Variants in BABAM2 observed in about 807,000 individuals in gnomAD.
The protein encoded by BABAM2 is BRISC and BRCA1-A complex member 2.
Under a neutral mutation model 54.7 loss-of-function variants are expected in BABAM2, and 31 were observed. The ratio of observed to expected loss-of-function variants is 0.57; its 90% CI spans 0.43 to 0.77. The LOEUF (loss-of-function observed/expected upper bound fraction) is 0.77. BABAM2 is among the 30% of genes least tolerant of loss of function. The probability of loss-of-function intolerance (pLI) is 0.00; values close to 1 mark genes in which losing one functional copy is unlikely to be tolerated. For missense variants in BABAM2, 364 were observed against 455.8 expected, an observed-to-expected ratio of 0.80 and a Z score of 1.83; for synonymous variants, 167 against 162.9, an observed-to-expected ratio of 1.03 and a Z score of -0.19.
intron 6 of BABAM2, among the ~76,000 whole-genome samples, chr2:28,109,827 AT>A (rs1667847904): frequency 6.6e-6 from 1 of 152,200 alleles, no homozygotes; most frequent in Non-Finnish European, 1.5e-5. Flanking sequence ...TTTTTGGAAT[AT>A]GCCATAGGTG....
At chr2:27,956,362 C>T (rs1192976030) in intron 3 of BABAM2, among the ~76,000 whole-genome samples, 6 of 151,994 alleles carry the variant, frequency 3.9e-5, no homozygotes, top group Middle Eastern at 3.2e-3. Flanking sequence ...CCTGATAGTG[C>T]GCTAAGGATG....
chr2:28,302,944 T>C (rs533418186), intron 11 of BABAM2, among the ~76,000 whole-genome samples: 1 of 152,328 alleles, frequency 6.6e-6, no homozygotes, highest in South Asian at 2.1e-4. Flanking sequence ...GTTGTATATA[T>C]GAGTTTCTTT....
At chr2:28,284,880 A>T (rs1170382810) in intron 10 of BABAM2, among the ~76,000 whole-genome samples, 1 of 152,214 alleles carries the variant, frequency 6.6e-6, no homozygotes, top group Non-Finnish European at 1.5e-5. Flanking sequence ...GGTATCATTT[A>T]TGAAGACCTG....
intron 5 of BABAM2, among the ~76,000 whole-genome samples, chr2:28,031,707 A>C (rs72812573): frequency 0.029 from 4,372 of 152,288 alleles, 102 homozygotes; most frequent in South Asian, 0.1. Flanking sequence ...CTGTGTGAGC[A>C]TTCAGCAGAA....
At position 28,304,413 on chromosome 2, in the gene BABAM2, T is replaced by A. The variant is rs1010874029; in HGVS notation, c.1088+5922T>A. ...TATAAATATAAAATATTTATAAATA[T>A]ATAAAAATATAAACAAAATTTTTAA... On this transcript the variant is annotated intron_variant, in intron 11 of 11. Coordinates refer to ENST00000379624, the MANE Select transcript of BABAM2 (RefSeq NM_199191.3). This position sits in a 1 kb window ranked among gnomAD's most constrained non-coding sequence, Gnocchi z 4.0. Among the ~76,000 whole-genome samples the A allele has an allele frequency of 6.7e-6, 1 of 149,928 alleles. No individual in the cohort carries two copies. The highest frequency in any genetic ancestry group is 2.4e-5 in the African/African-American group (1 of 41,130).
intron 10 of BABAM2, among the ~76,000 whole-genome samples, chr2:28,270,415 C>T (rs1685324958): frequency 6.6e-6 from 1 of 152,214 alleles, no homozygotes; most frequent in Admixed American, 6.5e-5. Context: ...GCCACTTTGC[C>T]TGGCCCCTCA....
At chr2:27,922,972 G>A (rs1667442629) in intron 2 of BABAM2, among the ~76,000 whole-genome samples, 2 of 151,940 alleles carry the variant, frequency 1.3e-5, no homozygotes, top group South Asian at 4.1e-4. Flanking sequence ...TTTCATACTT[G>A]TATAAGGAAA....
intron 7 of BABAM2, among the ~76,000 whole-genome samples, chr2:28,198,037 T>A: frequency 6.6e-6 from 1 of 152,072 alleles, no homozygotes; most frequent in South Asian, 2.1e-4. Flanking sequence ...ATAGCCTCCA[T>A]GTAAGGATAA....
chr2:27,983,967 A>ATTT (rs1573325711), intron 3 of BABAM2, among the ~76,000 whole-genome samples: 1 of 19,092 alleles, frequency 5.2e-5, no homozygotes, highest in African/African-American at 2.3e-4. Context: ...TTTTTGCCAA[A>ATTT]TTGTTCTTGC....
intron 6 of BABAM2, among the ~76,000 whole-genome samples, chr2:28,083,968 A>G (rs1451525686): frequency 6.6e-6 from 1 of 152,178 alleles, no homozygotes; most frequent in East Asian, 1.9e-4. Context: ...TAATTTTAGT[A>G]ACATTTTGTT....
At chr2:28,315,136 G>A in intron 11 of BABAM2, among the ~76,000 whole-genome samples, 1 of 148,314 alleles carries the variant, frequency 6.7e-6, no homozygotes, top group East Asian at 2.0e-4. Flanking sequence ...GGGAGAGAAG[G>A]AGAGGGGAGG....
chr2:27,901,226 A>C (rs553591859), intron 2 of BABAM2, among the ~76,000 whole-genome samples: 5 of 152,232 alleles, frequency 3.3e-5, no homozygotes, highest in Admixed American at 1.3e-4. Flanking sequence ...AGCATGTGCT[A>C]TTTGTAAGAT....
At chr2:28,268,116 G>T (rs1459842681) in intron 10 of BABAM2, among the ~76,000 whole-genome samples, 1 of 152,138 alleles carries the variant, frequency 6.6e-6, no homozygotes, top group East Asian at 1.9e-4. Flanking sequence ...AGCAAAACCA[G>T]ACAATCTGTC....
intron 6 of BABAM2, among the ~76,000 whole-genome samples, chr2:28,090,000 C>T (rs2148689453): frequency 6.6e-6 from 1 of 152,116 alleles, no homozygotes; most frequent in East Asian, 1.9e-4. Context: ...TTCTGACAGT[C>T]TTCTGTGTCC....
intron 2 of BABAM2, among the ~76,000 whole-genome samples, chr2:27,922,390 G>A (rs1667403366): frequency 6.6e-6 from 1 of 152,172 alleles, no homozygotes; most frequent in Admixed American, 6.5e-5. Flanking sequence ...TGTAAAATAA[G>A]AGACTCAACA....
intron 3 of BABAM2, among the ~76,000 whole-genome samples, chr2:27,932,433 T>C (rs915803731): frequency 1.3e-5 from 2 of 152,218 alleles, no homozygotes; most frequent in Admixed American, 6.5e-5. Context: ...TCATATTTTT[T>C]CCCTCTTTTA....
At chr2:28,059,801 G>T (rs565571808) in intron 6 of BABAM2, among the ~76,000 whole-genome samples, 3 of 152,090 alleles carry the variant, frequency 2.0e-5, no homozygotes, top group African/African-American at 7.2e-5. Flanking sequence ...AAATTTTCTC[G>T]GATTTTACCA....
Position 27,949,474 on chromosome 2 carries a change from C to T in BABAM2, c.205+19566C>T, listed in dbSNP as rs530459163. Among the ~76,000 whole-genome samples, 14 of 150,990 alleles carry T rather than the reference C, an allele frequency of 9.3e-5. No individual in the cohort carries two copies. The South Asian group carries it at 1.3e-3, about 14-fold the overall frequency. On this transcript the variant is annotated intron_variant, in intron 3 of 11. Transcript: ENST00000379624. Reference sequence around the variant, plus strand: ...GCTTGAACCCGGGAGGCGGAGATTGCAGTGAGCCGAGATCGCACCACTGCG... The same window carrying T: ...GCTTGAACCCGGGAGGCGGAGATTGTAGTGAGCCGAGATCGCACCACTGCG...
intron 7 of BABAM2, among the ~76,000 whole-genome samples, chr2:28,198,842 G>A (rs896597112): frequency 6.6e-6 from 1 of 152,160 alleles, no homozygotes; most frequent in Non-Finnish European, 1.5e-5. Flanking sequence ...AAGGAAAAAG[G>A]AGAACTTTTT....
Sources: allele counts gnomAD v4.1 joint callset (sites outside exome capture counted in the v4.1 genomes callset), GRCh38; gene constraint gnomAD v4.1.1; non-coding constraint Gnocchi (gnomAD v3.1); transcripts MANE v1.5; gene names NCBI Gene and HGNC (gene_info 2026-07-23, HGNC 2026-07-21).